CXorf58: variants seen among roughly 807,000 people sequenced by gnomAD.
CXorf58 encodes the protein chromosome X open reading frame 58.
In CXorf58, 24 loss-of-function variants were observed where a neutral mutation model predicts 26.0. The ratio of observed to expected loss-of-function variants is 0.92; its 90% CI spans 0.67 to 1.30. The LOEUF is 1.30. CXorf58 is among the 50% of genes most tolerant of loss of function. CXorf58 has a pLI of 0.00. For synonymous variants in CXorf58, 87 were observed against 86.1 expected (o/e 1.01, Z -0.06); for missense variants, 236 against 263.9 (o/e 0.89, Z 0.73).
intron 1 of CXorf58, among the ~76,000 whole-genome samples, chrX:23,909,501 T>TA (rs920082259): frequency 8.9e-6 from 1 of 112,338 alleles, no homozygotes; most frequent in South Asian, 3.7e-4. Flanking sequence ...AATTTTGTTT[T>TA]AAAAAATATT....
At chrX:23,937,412 CTTTTTTTTCTTTTCT>C (rs1928319381) in intron 7 of CXorf58, among the ~76,000 whole-genome samples, 1 of 103,104 alleles carries the variant, frequency 9.7e-6, no homozygotes. Context: ...CTTTTCTTTT[CTTTTTTTTCTTTTCT>C]TTTTTTTTTT....
At chrX:23,910,168 C>A in intron 1 of CXorf58, 115 bp from the exon 2 acceptor site, 2 of 401,526 alleles carry the variant, frequency 5.0e-6, no homozygotes, top group Non-Finnish European at 8.7e-6. Context: ...ATCCACAATG[C>A]CTTCCTTTTT....
At chrX:23,919,820 T>C (rs1022018256) in intron 5 of CXorf58, among the ~76,000 whole-genome samples, 3 of 112,920 alleles carry the variant, frequency 2.7e-5, no homozygotes, top group Non-Finnish European at 5.6e-5. Flanking sequence ...GACTCAGGTG[T>C]CGTGATCTAA....
At chrX:23,918,287 T>C (rs1227400884) in intron 5 of CXorf58, among the ~76,000 whole-genome samples, 2 of 111,520 alleles carry the variant, frequency 1.8e-5, no homozygotes, top group African/African-American at 6.5e-5. Context: ...TGGTATGTTT[T>C]AATTTCTTGC....
chrX:23,914,240 C>T (rs1285889586), intron 3 of CXorf58, among the ~76,000 whole-genome samples: 5 of 109,992 alleles, frequency 4.5e-5, no homozygotes, highest in African/African-American at 6.6e-5. Context: ...CGCCTGCCAT[C>T]ACGCCTGGCT....
At chrX:23,934,943 C>G (rs1352120863) in intron 6 of CXorf58, among the ~76,000 whole-genome samples, 1 of 110,742 alleles carries the variant, frequency 9.0e-6, no homozygotes, top group Non-Finnish European at 1.9e-5. Context: ...TGGCTCACCG[C>G]AACCTCCGCC....
At chrX:23,920,926 A>G (rs764658014) in intron 5 of CXorf58, among the ~76,000 whole-genome samples, 303 of 109,849 alleles carry the variant, frequency 2.8e-3, no homozygotes, top group African/African-American at 9.5e-3. Context: ...AATGAGCTAC[A>G]TGTTTTCATT....
At chrX:23,934,592 C>T (rs919318315) in intron 6 of CXorf58, among the ~76,000 whole-genome samples, 1 of 110,835 alleles carries the variant, frequency 9.0e-6, no homozygotes, top group Non-Finnish European at 1.9e-5. Flanking sequence ...TATTATTATA[C>T]TTTAAGTTCT....
chrX:23,930,500 GATGGTATGCCCCT>G (rs1291968260), intron 6 of CXorf58, among the ~76,000 whole-genome samples: 1 of 106,820 alleles, frequency 9.4e-6, no homozygotes, highest in Non-Finnish European at 1.9e-5. Context: ...AGCCAGGTGT[GATGGTATGCCCCT>G]ATGGTCCCAG....
At chrX:23,912,443 C>T (rs903468262) in intron 3 of CXorf58, among the ~76,000 whole-genome samples, 2 of 111,204 alleles carry the variant, frequency 1.8e-5, no homozygotes, top group Non-Finnish European at 3.8e-5. Context: ...TGAGACAGTT[C>T]TCTTCCAACA....
chrX:23,925,786 CTTTTTTTTT>C (rs11296283), intron 5 of CXorf58, among the ~76,000 whole-genome samples: 1 of 71,770 alleles, frequency 1.4e-5, no homozygotes, highest in African/African-American at 6.6e-5. Context: ...CTTTTCTTTT[CTTTTTTTTT>C]TTTTTTTTTT....
rs752970734 is a variant in CXorf58, at chrX:23,930,196, CAAAAAAAAAA to C, written c.555+2838_555+2847del. Among the ~76,000 whole-genome samples the C allele has an allele frequency of 4.4e-4, 16 of 36,758 alleles. No individual in the cohort carries two copies. The East Asian group carries it at 0.011, about 25-fold the overall frequency. The allele number at this position is 36,758 out of a possible 115,157, so 31.9% of individuals were successfully genotyped here. A position where few individuals can be genotyped will look rare whatever the true frequency, so the allele number is the denominator to read the frequency against. The stretch of plus-strand genomic sequence containing the variant: ...TGGGTGACAGGGCAAGACTCTGTCT[CAAAAAAAAAA>C]AAAAAAAAAAAGAAAAAAGAAATAT... On this transcript the variant is annotated intron_variant, in intron 6 of 8. Coordinates refer to ENST00000379211, the MANE Select transcript of CXorf58 (RefSeq NM_152761.3).
intron 5 of CXorf58, among the ~76,000 whole-genome samples, chrX:23,924,317 T>TTG (rs1569253608): frequency 1.0e-4 from 11 of 106,861 alleles, no homozygotes; most frequent in African/African-American, 3.4e-4. Flanking sequence ...TTTATTTATT[T>TTG]ATTTATTTAT....
rs1374980268 is a variant in CXorf58, at chrX:23,926,768, C to T, written c.424-471C>T. Among the ~76,000 whole-genome samples the T allele has an allele frequency of 5.3e-5, 6 of 112,496 alleles. No individual in the cohort carries two copies. In the East Asian group the frequency reaches 1.1e-3, roughly 21 times the overall value. ...TGGCGCGGTGGCTCACGCCTATAAT[C>T]CCGCACTTTGGGAGGCCGAGGTGAG... is the stretch of plus-strand genomic sequence containing the variant. On this transcript the variant is annotated intron_variant, in intron 5 of 8. Coordinates refer to ENST00000379211, the MANE Select transcript of CXorf58 (RefSeq NM_152761.3).
At chrX:23,921,667 T>G (rs1927872220) in intron 5 of CXorf58, among the ~76,000 whole-genome samples, 1 of 111,517 alleles carries the variant, frequency 9.0e-6, no homozygotes, top group Admixed American at 9.6e-5. Flanking sequence ...TTTGTTTTTG[T>G]TTTTTGTGTT....
At chrX:23,914,455 G>C (rs1038923941) in intron 3 of CXorf58, among the ~76,000 whole-genome samples, 3 of 112,056 alleles carry the variant, frequency 2.7e-5, no homozygotes, top group African/African-American at 9.7e-5. Context: ...GGTTGTTTGG[G>C]GGAAAGAGTT....
chrX:23,928,924 C>T (rs989870152), intron 6 of CXorf58, among the ~76,000 whole-genome samples: 5 of 111,340 alleles, frequency 4.5e-5, no homozygotes, highest in African/African-American at 6.5e-5. Context: ...CTAGAAATGA[C>T]GAAGCTTAGT....
chrX:23,916,660 CG>C (rs1264488650), intron 5 of CXorf58, among the ~76,000 whole-genome samples: 1 of 110,866 alleles, frequency 9.0e-6, no homozygotes. Context: ...GAGGCCGAGG[CG>C]GGCAGATCAC....
At chrX:23,929,652 C>G (rs182170079) in intron 6 of CXorf58, among the ~76,000 whole-genome samples, 4 of 111,791 alleles carry the variant, frequency 3.6e-5, no homozygotes, top group African/African-American at 1.3e-4. Context: ...GAAGCTGCAG[C>G]AAGTTATCCA....
Sources: allele counts gnomAD v4.1 joint callset (sites outside exome capture counted in the v4.1 genomes callset), GRCh38; gene constraint gnomAD v4.1.1; transcripts MANE v1.5; gene names NCBI Gene and HGNC (gene_info 2026-07-23, HGNC 2026-07-21).